The following DNM3 variants were observed in gnomAD, a reference collection of about 807,000 sequenced individuals.
DNM3 encodes the protein dynamin 3.
Under a neutral mutation model 101.6 loss-of-function variants are expected in DNM3, and 47 were observed. The ratio of observed to expected loss-of-function variants is 0.46; its 90% CI spans 0.37 to 0.59. The LOEUF (loss-of-function observed/expected upper bound fraction) is 0.59. DNM3 is among the 20% of genes least tolerant of loss of function. DNM3 has a pLI of 0.00. For missense variants in DNM3, 849 were observed against 1,085.7 expected (o/e 0.78, Z 3.06); for synonymous variants, 385 against 387.9 (o/e 0.99, Z 0.09).
chr1:171,893,319 GAT>G (rs1204379087), intron 1 of DNM3, among the ~76,000 whole-genome samples: 1 of 151,956 alleles, frequency 6.6e-6, no homozygotes, highest in Non-Finnish European at 1.5e-5. Context: ...TACATACTAA[GAT>G]AGTTTGAGCT....
intron 2 of DNM3, among the ~76,000 whole-genome samples, chr1:171,954,086 C>G (rs2042702254): frequency 6.6e-6 from 1 of 152,144 alleles, no homozygotes; most frequent in African/African-American, 2.4e-5. Flanking sequence ...GCAATTAACT[C>G]AGTCTTAGAT....
intron 2 of DNM3, among the ~76,000 whole-genome samples, chr1:171,923,076 GC>G (rs1456251823): frequency 2.0e-5 from 3 of 152,132 alleles, no homozygotes; most frequent in Non-Finnish European, 4.4e-5. Flanking sequence ...GAGTATAATT[GC>G]TGGGCCATGT....
intron 12 of DNM3, among the ~76,000 whole-genome samples, chr1:172,087,298 A>G (rs1025387428): frequency 1.3e-5 from 2 of 151,914 alleles, no homozygotes; most frequent in African/African-American, 2.4e-5. Context: ...TCTTTAATCA[A>G]TTTTCCACCC....
At chr1:172,009,880 C>T (rs184707001) in intron 4 of DNM3, among the ~76,000 whole-genome samples, 25 of 151,632 alleles carry the variant, frequency 1.6e-4, no homozygotes, top group Non-Finnish European at 3.2e-4. Flanking sequence ...GTTTAAATCT[C>T]GTATACCTCT....
chr1:172,015,689 A>G (rs1343044262), intron 4 of DNM3, among the ~76,000 whole-genome samples: 1 of 152,170 alleles, frequency 6.6e-6, no homozygotes, highest in South Asian at 2.1e-4. Flanking sequence ...TGGATTTTCT[A>G]TATACATAAT....
chr1:172,086,344 G>A (rs1396982757), intron 12 of DNM3, among the ~76,000 whole-genome samples: 1 of 152,144 alleles, frequency 6.6e-6, no homozygotes, highest in Non-Finnish European at 1.5e-5. Context: ...TGTAACCTGT[G>A]ATAAGTTACA....
rs115425522 is a variant in DNM3 at position 172,041,507 on chromosome 1, C to T, written c.993-502C>T. ...CACTCACTCTTCTGAGAGTTATAGG[C>T]TAAAGCGGAAGGTGTGGAGAAACTA... On this transcript the variant is annotated intron_variant, in intron 7 of 20. Transcript: ENST00000627582. Among the ~76,000 whole-genome samples the T allele has an allele frequency of 8.2e-3, 1,253 of 152,258 alleles. 25 individuals are homozygous for T. Among genetic ancestry groups the T allele is most frequent in the African/African-American group, 0.028 (1,167 of 41,550 alleles).
At chr1:171,846,048 TTAGA>T (rs2032037666) in intron 1 of DNM3, among the ~76,000 whole-genome samples, 1 of 152,190 alleles carries the variant, frequency 6.6e-6, no homozygotes, top group Admixed American at 6.5e-5. Context: ...ATTATAGTTA[TTAGA>T]TAAATGGTGC....
At chr1:172,382,233 GC>G (rs1258665445) in intron 18 of DNM3, among the ~76,000 whole-genome samples, 3 of 152,106 alleles carry the variant, frequency 2.0e-5, no homozygotes, top group Non-Finnish European at 4.4e-5. Context: ...TTCTGGACAG[GC>G]TACAGTCAAA....
intron 6 of DNM3, among the ~76,000 whole-genome samples, chr1:172,033,814 G>C (rs377365044): frequency 3.3e-5 from 5 of 152,106 alleles, no homozygotes; most frequent in African/African-American, 1.2e-4. Flanking sequence ...TGGGCCTTCT[G>C]CCTACCCCGC....
At chr1:171,995,915 T>A (rs1348077461) in intron 4 of DNM3, among the ~76,000 whole-genome samples, 4 of 152,150 alleles carry the variant, frequency 2.6e-5, no homozygotes, top group Non-Finnish European at 4.4e-5. Context: ...TGTACTAAAT[T>A]AAATCTTTTT....
intron 11 of DNM3, among the ~76,000 whole-genome samples, chr1:172,075,663 A>G (rs2125966805): frequency 6.6e-6 from 1 of 151,910 alleles, no homozygotes; most frequent in Middle Eastern, 3.4e-3. Flanking sequence ...GTCCTATTCC[A>G]TTGGTCTGTA....
chr1:172,262,775 A>C (rs1027945928), intron 15 of DNM3, among the ~76,000 whole-genome samples: 1 of 152,092 alleles, frequency 6.6e-6, no homozygotes, highest in South Asian at 2.1e-4. Context: ...ACAGGCCATG[A>C]TATACTTGCG....
At chr1:172,028,025 A>G (rs1342517304) in intron 4 of DNM3, among the ~76,000 whole-genome samples, 1 of 152,218 alleles carries the variant, frequency 6.6e-6, no homozygotes, top group African/African-American at 2.4e-5. Flanking sequence ...ACAGAAAATT[A>G]ACAAGGATAT....
At chr1:172,140,445 T>A (rs965293160) in intron 14 of DNM3, 5 of 151,918 alleles carry the variant, frequency 3.3e-5, no homozygotes, top group Admixed American at 1.3e-4. Flanking sequence ...CTGCATTCAG[T>A]GCAACAGAAA....
At chr1:172,066,410 A>G (rs907475346) in intron 10 of DNM3, among the ~76,000 whole-genome samples, 6 of 152,332 alleles carry the variant, frequency 3.9e-5, no homozygotes, top group African/African-American at 1.4e-4. Context: ...GGTGCAGGGT[A>G]TCAATCATAT....
intron 13 of DNM3, among the ~76,000 whole-genome samples, chr1:172,107,940 G>C (rs530771449): frequency 6.6e-6 from 1 of 151,998 alleles, no homozygotes; most frequent in Admixed American, 6.6e-5. Context: ...ATTTCAAGGA[G>C]TCCTGTATTA....
chr1:171,986,389 T>C (rs2045258126), intron 2 of DNM3, among the ~76,000 whole-genome samples: 1 of 152,222 alleles, frequency 6.6e-6, no homozygotes, highest in African/African-American at 2.4e-5. Context: ...ACATCTGAGC[T>C]AAGTGACAAA....
At chr1:172,253,146 G>A (rs1319459500) in intron 14 of DNM3, among the ~76,000 whole-genome samples, 2 of 152,028 alleles carry the variant, frequency 1.3e-5, no homozygotes, top group Non-Finnish European at 2.9e-5. Context: ...CATTGAATTA[G>A]GACCAGAACA....
Sources: allele counts gnomAD v4.1 joint callset (sites outside exome capture counted in the v4.1 genomes callset), GRCh38; gene constraint gnomAD v4.1.1; transcripts MANE v1.5; gene names NCBI Gene and HGNC (gene_info 2026-07-23, HGNC 2026-07-21).